RAPGEF6: variants seen among roughly 807,000 people sequenced by gnomAD.
RAPGEF6 encodes PDZ domain containing guanine nucleotide exchange factor (GEF) 2.
RAPGEF6 carries 56 observed loss-of-function variants against 171.4 expected under a neutral mutation model. That is an observed-to-expected ratio of 0.33 (90% CI 0.26 to 0.41). The LOEUF (loss-of-function observed/expected upper bound fraction) is 0.41. RAPGEF6 is among the 10% of genes least tolerant of loss of function. The pLI, the probability that RAPGEF6 is intolerant of heterozygous loss-of-function variation, is 1.00. For missense variants in RAPGEF6, 1,674 were observed against 1,921.4 expected, an observed-to-expected ratio of 0.87 and a Z score of 2.41; for synonymous variants, 692 against 650.1, an observed-to-expected ratio of 1.06 and a Z score of -0.98.
At chr5:131,554,209 T>A (rs553123163) in intron 5 of RAPGEF6, among the ~76,000 whole-genome samples, 1 of 151,912 alleles carries the variant, frequency 6.6e-6, no homozygotes, top group African/African-American at 2.4e-5. Flanking sequence ...GGCAAAACAA[T>A]CCTCCAAGAA....
chr5:131,445,710 G>A (rs1311037810), intron 22 of RAPGEF6, among the ~76,000 whole-genome samples: 2 of 152,072 alleles, frequency 1.3e-5, no homozygotes, highest in East Asian at 1.9e-4. Flanking sequence ...AGCCTCCCAA[G>A]TTGCTAGCAC....
chr5:131,480,390 G>C (rs1182981185), intron 15 of RAPGEF6, among the ~76,000 whole-genome samples: 1 of 152,268 alleles, frequency 6.6e-6, no homozygotes, highest in Non-Finnish European at 1.5e-5. Context: ...CCTCACTACT[G>C]TAGTCAGGTT....
intron 5 of RAPGEF6, among the ~76,000 whole-genome samples, chr5:131,558,560 G>A (rs1761389864): frequency 6.6e-6 from 1 of 151,976 alleles, no homozygotes; most frequent in Non-Finnish European, 1.5e-5. Flanking sequence ...TTCCTGACAT[G>A]AATACTTTAC....
At chr5:131,593,168 G>C (rs1763689487) in intron 3 of RAPGEF6, among the ~76,000 whole-genome samples, 3 of 152,108 alleles carry the variant, frequency 2.0e-5, no homozygotes, top group Admixed American at 1.3e-4. Context: ...CAGGGGCTGT[G>C]ATAAAAATTT....
Position 131,498,460 on chromosome 5 carries a change from C to T in RAPGEF6, c.1402G>A (p.Asp468Asn). The T allele has an allele frequency of 1.9e-6, 3 of 1,605,632 alleles. No homozygotes were observed. Among genetic ancestry groups the T allele is most frequent in the Non-Finnish European group, 2.6e-6 (3 of 1,175,320 alleles). The change falls in exon 12 of 28, where the codon GAC (aspartate) becomes AAC (asparagine). Residue 468 changes from aspartate (D) to asparagine (N), a missense_variant. Coordinates refer to ENST00000509018, the MANE Select transcript of RAPGEF6 (RefSeq NM_016340.6). ...AAACCAACCTTATCTCTTAAGCTGTCGATCTTAAACCATTCCAATAGTTTG... is the reference window on the plus strand; with the variant it reads ...AAACCAACCTTATCTCTTAAGCTGTTGATCTTAAACCATTCCAATAGTTTG... Reference protein sequence around the residue: ...GIKLLEWFKIDSLRDKVTRIV... With the variant: ...GIKLLEWFKINSLRDKVTRIV...
intron 4 of RAPGEF6, among the ~76,000 whole-genome samples, chr5:131,562,724 A>G (rs1761681410): frequency 6.6e-6 from 1 of 152,210 alleles, no homozygotes; most frequent in African/African-American, 2.4e-5. Flanking sequence ...TTGCTTAGGG[A>G]ATAATGACAA....
chr5:131,502,054 G>A (rs1252704746), intron 11 of RAPGEF6, among the ~76,000 whole-genome samples: 2 of 152,134 alleles, frequency 1.3e-5, no homozygotes, highest in African/African-American at 4.8e-5. Context: ...TTATACGGAT[G>A]TGCTCAAATG....
intron 6 of RAPGEF6, among the ~76,000 whole-genome samples, chr5:131,542,906 C>T (rs931361406): frequency 6.6e-6 from 1 of 152,164 alleles, no homozygotes; most frequent in Non-Finnish European, 1.5e-5. Context: ...AGTTGGAGAA[C>T]TGAACAAAGT....
At chr5:131,495,479 T>C (rs1756580294) in intron 13 of RAPGEF6, 74 bp downstream of exon 13, 2 of 1,077,134 alleles carry the variant, frequency 1.9e-6, no homozygotes, top group South Asian at 1.4e-5. Context: ...ATGAAAGCTA[T>C]TGCTGTTCTG....
At chr5:131,586,411 G>C (rs971137552) in intron 4 of RAPGEF6, among the ~76,000 whole-genome samples, 4 of 152,218 alleles carry the variant, frequency 2.6e-5, no homozygotes, top group Admixed American at 6.5e-5. Context: ...CCAGCACTTT[G>C]GGAAGCCAAG....
chr5:131,443,241 C>A (rs1443091416), intron 22 of RAPGEF6, among the ~76,000 whole-genome samples: 1 of 152,002 alleles, frequency 6.6e-6, no homozygotes, highest in African/African-American at 2.4e-5. Context: ...CTGCGCCTGG[C>A]CTATTTTTGT....
chr5:131,466,984 G>A (rs542229436), intron 17 of RAPGEF6, among the ~76,000 whole-genome samples: 1 of 152,126 alleles, frequency 6.6e-6, no homozygotes, highest in Non-Finnish European at 1.5e-5. Context: ...TAGCTGTCCT[G>A]GGCTCCAGAA....
At chr5:131,479,456 T>TA in intron 16 of RAPGEF6, 57 bp downstream of exon 16, 2 of 1,583,246 alleles carry the variant, frequency 1.3e-6, no homozygotes, top group Non-Finnish European at 8.6e-7. Context: ...CCACCCCAAA[T>TA]AAAAACTTTA....
chr5:131,495,885 C>T lies in RAPGEF6; in HGVS notation c.1420-225G>A, dbSNP rs547101616. On this transcript the variant is annotated intron_variant, in intron 12 of 27. Coordinates refer to ENST00000509018, the MANE Select transcript of RAPGEF6 (RefSeq NM_016340.6). ...GGACACTGTCCACTCAGTGAGAAGA[C>T]ACAAGCCTGTTTGTTAAGATAAAAG... Among the ~76,000 whole-genome samples the T allele has an allele frequency of 1.8e-4, 28 of 152,326 alleles. 1 individual carries two copies. Among genetic ancestry groups the T allele is most frequent in the South Asian group, 6.2e-4 (3 of 4,824 alleles).
intron 27 of RAPGEF6, 82 bp from the exon 28 acceptor site, chr5:131,427,373 C>A: frequency 8.4e-7 from 1 of 1,193,344 alleles, no homozygotes; most frequent in South Asian, 1.4e-5. Flanking sequence ...TTTAGAAAAT[C>A]AATGTCAACA....
At chr5:131,508,514 A>G (rs566605238) in intron 8 of RAPGEF6, among the ~76,000 whole-genome samples, 1 of 152,334 alleles carries the variant, frequency 6.6e-6, no homozygotes, top group African/African-American at 2.4e-5. Flanking sequence ...TAGCCACTCC[A>G]TGGGTTTAGT....
intron 17 of RAPGEF6, chr5:131,469,802 A>C (rs1220505741): frequency 1.3e-6 from 2 of 1,520,220 alleles, no homozygotes; most frequent in South Asian, 2.4e-5. Flanking sequence ...GATACTTACA[A>C]TAAAAACCAA....
chr5:131,609,515 C>T (rs1229127406), intron 1 of RAPGEF6, among the ~76,000 whole-genome samples: 3 of 152,122 alleles, frequency 2.0e-5, no homozygotes, highest in Non-Finnish European at 4.4e-5. Flanking sequence ...AAAAGGATAT[C>T]CCAGAACTGG....
intron 22 of RAPGEF6, among the ~76,000 whole-genome samples, chr5:131,444,549 A>C (rs377612885): frequency 6.6e-6 from 1 of 152,248 alleles, no homozygotes; most frequent in African/African-American, 2.4e-5. Flanking sequence ...CTATTTAAAC[A>C]TTTAAAAATC....
Sources: allele counts gnomAD v4.1 joint callset (sites outside exome capture counted in the v4.1 genomes callset), GRCh38; gene constraint gnomAD v4.1.1; transcripts MANE v1.5; gene names NCBI Gene and HGNC (gene_info 2026-07-23, HGNC 2026-07-21).